The following ECSIT variants were observed in gnomAD, a reference collection of about 807,000 sequenced individuals.
ECSIT encodes the protein evolutionarily conserved signaling intermediate in Toll pathway, mitochondrial.
A neutral mutation model predicts 36.8 loss-of-function variants in ECSIT; 29 were observed. The observed-to-expected ratio is 0.79, with a 90% CI of 0.59 to 1.08. The LOEUF (loss-of-function observed/expected upper bound fraction) is 1.08, where lower values mean the gene tolerates loss of function less well. Ranked by LOEUF, ECSIT falls within the 50% of genes least tolerant of loss-of-function variation. ECSIT has a pLI of 0.00. For missense variants in ECSIT, 542 were observed against 581.0 expected (o/e 0.93, Z 0.69); for synonymous variants, 231 against 234.8 (o/e 0.98, Z 0.15).
intron 7 of ECSIT, 75 bp from the exon 8 acceptor site, chr19:11,506,503 AG>A (rs1397509074): frequency 3.2e-6 from 3 of 951,654 alleles, no homozygotes; most frequent in Non-Finnish European, 4.4e-6. Flanking sequence ...CACCTTTTTG[AG>A]GTATTTTACA....
chr19:11,509,429 C>T (rs1258971521), intron 4 of ECSIT, among the ~76,000 whole-genome samples: 1 of 150,882 alleles, frequency 6.6e-6, no homozygotes, highest in Non-Finnish European at 1.5e-5. Flanking sequence ...AAACAGTGGA[C>T]AGCTATTAGA....
chr19:11,513,757 T>A (rs779231719), intron 3 of ECSIT, 47 bp downstream of exon 3: 2 of 1,607,820 alleles, frequency 1.2e-6, no homozygotes, highest in East Asian at 2.2e-5. Flanking sequence ...TGCTGCCAGC[T>A]ATCAGTGTAG....
chr19:11,526,787 CG>C (rs1179847687), intron 1 of ECSIT, among the ~76,000 whole-genome samples: 1 of 148,706 alleles, frequency 6.7e-6, no homozygotes, highest in Non-Finnish European at 1.5e-5. Flanking sequence ...TGGCGCATCT[CG>C]GCTCACTGCA....
Position 11,513,215 on chromosome 19 carries a change from G to A in ECSIT, c.579C>T (p.Pro193=). The change falls in exon 4 of 8, where the codon CCC becomes CCT. Residue 193 remains proline, a synonymous_variant. Coordinates refer to ENST00000270517, the MANE Select transcript of ECSIT (RefSeq NM_016581.5). The stretch of plus-strand genomic sequence containing the variant: ...GCTTCAGGCGCACCAACTTGAGCAT[G>A]GGGTAGCTTTTGCGTCCAAAGATCT... ...LIQIFGRKSY[P]MLKLVRLKLW... The A allele has an allele frequency of 1.2e-6, 2 of 1,614,152 alleles. No individual in the cohort carries two copies. Among genetic ancestry groups the A allele is most frequent in the Non-Finnish European group, 1.7e-6 (2 of 1,180,036 alleles).
At chr19:11,523,704 G>A (rs1324558276) in intron 1 of ECSIT, 9 of 702,908 alleles carry the variant, frequency 1.3e-5, no homozygotes, top group Middle Eastern at 4.1e-4. Context: ...AATGGGTAGC[G>A]CTCTGTAAAA....
intron 6 of ECSIT, 35 bp downstream of exon 6, chr19:11,507,667 C>G (rs763752425): frequency 6.2e-7 from 1 of 1,613,970 alleles, no homozygotes; most frequent in Admixed American, 1.7e-5. Context: ...AGCCCACTCC[C>G]CAGCCCCAAC....
chr19:11,523,864 A>C (rs1972157955), intron 1 of ECSIT: 1 of 517,028 alleles, frequency 1.9e-6, no homozygotes, highest in East Asian at 4.4e-5. Context: ...TAAAAAAATA[A>C]GTTAATTGAC....
chr19:11,523,572 A>G, intron 1 of ECSIT: 2 of 1,041,324 alleles, frequency 1.9e-6, no homozygotes, highest in South Asian at 2.6e-5. Flanking sequence ...GACAAGCGCC[A>G]AGCCCATCTT....
At chr19:11,515,248 C>T (rs548020364) in intron 2 of ECSIT, among the ~76,000 whole-genome samples, 4 of 151,940 alleles carry the variant, frequency 2.6e-5, no homozygotes, top group African/African-American at 4.8e-5. Flanking sequence ...GGACTACAGG[C>T]GCCTGCCACC....
chr19:11,522,238 C>CA, intron 1 of ECSIT: 1 of 610,182 alleles, frequency 1.6e-6, no homozygotes, highest in Admixed American at 2.4e-5. Flanking sequence ...GAGCAGCACC[C>CA]ACAACATGTA....
chr19:11,522,971 T>C (rs1457776226), intron 1 of ECSIT, among the ~76,000 whole-genome samples: 4 of 151,596 alleles, frequency 2.6e-5, no homozygotes, highest in Non-Finnish European at 5.9e-5. Flanking sequence ...CTCAGGAGGC[T>C]GAGGCAGGAG....
intron 1 of ECSIT, among the ~76,000 whole-genome samples, chr19:11,526,192 T>C (rs557249245): frequency 6.6e-6 from 1 of 152,260 alleles, no homozygotes; most frequent in African/African-American, 2.4e-5. Flanking sequence ...CTTGAACTCC[T>C]GACCTTGTGA....
At position 11,520,305 on chromosome 19, in the gene ECSIT, G is replaced by A. The variant is rs550407875; in HGVS notation, c.-23-1112C>T. Among the ~76,000 whole-genome samples the A allele has an allele frequency of 2.6e-5, 4 of 152,160 alleles. No individual in the cohort carries two copies. The East Asian group carries it at 5.8e-4, about 22-fold the overall frequency. On this transcript the variant is annotated intron_variant, in intron 1 of 7. Coordinates refer to ENST00000270517, the MANE Select transcript of ECSIT (RefSeq NM_016581.5). ...CCATGCCTCAGCATCCCGAGTAGCT[G>A]GGATTACAGGTACATGCCACCACGC...
intron 4 of ECSIT, 147 bp downstream of exon 4, chr19:11,512,909 C>G (rs1971900510): frequency 2.4e-6 from 2 of 818,406 alleles, no homozygotes. Context: ...TGCCACCACA[C>G]TCCAGCCTGG....
chr19:11,515,512 A>T (rs1420519100), intron 2 of ECSIT, among the ~76,000 whole-genome samples: 1 of 151,612 alleles, frequency 6.6e-6, no homozygotes, highest in Non-Finnish European at 1.5e-5. Flanking sequence ...GCTGGAATGC[A>T]ATGGTGTCAT....
chr19:11,510,110 T>C (rs187981354), intron 4 of ECSIT, among the ~76,000 whole-genome samples: 2 of 151,894 alleles, frequency 1.3e-5, no homozygotes, highest in Non-Finnish European at 2.9e-5. Flanking sequence ...CAACCTCTGG[T>C]GATCTGCCTG....
At chr19:11,511,088 C>T (rs1041507222) in intron 4 of ECSIT, among the ~76,000 whole-genome samples, 2 of 152,118 alleles carry the variant, frequency 1.3e-5, no homozygotes, top group African/African-American at 4.8e-5. Flanking sequence ...CCCCAGGAAG[C>T]CCCACCTGCC....
chr19:11,506,354 C>G lies in ECSIT; in HGVS notation c.1126G>C (p.Gly376Arg), dbSNP rs767782643. The change falls in exon 8 of 8, where the codon GGC becomes CGC. Residue 376 changes from glycine to arginine, a missense_variant. Coordinates refer to ENST00000270517, the MANE Select transcript of ECSIT (RefSeq NM_016581.5). ...DQATMAKWIQGLQETNPTLAQ... is the reference protein window; with the variant it reads ...DQATMAKWIQRLQETNPTLAQ... ...AGGGTTGGGTTGGTCTCCTGCAGGC[C>G]CTGGATCCACTTAGCCATCGTCGCC... 7 of 1,613,638 alleles carry G rather than the reference C, an allele frequency of 4.3e-6. No individual in the cohort carries two copies. The highest frequency in any genetic ancestry group is 5.9e-6 in the Non-Finnish European group (7 of 1,179,894).
intron 6 of ECSIT, 31 bp from the exon 7 acceptor site, chr19:11,507,593 C>T (rs1430331410): frequency 1.2e-6 from 2 of 1,613,154 alleles, no homozygotes; most frequent in East Asian, 2.2e-5. Context: ...CAGGCGGGGT[C>T]AGAGGCCAGG....
Sources: gnomAD v4.1 joint callset for allele counts (sites outside exome capture counted in the v4.1 genomes callset) on GRCh38, gnomAD v4.1.1 for gene constraint, MANE v1.5 for transcripts, NCBI Gene and HGNC (gene_info 2026-07-23, HGNC 2026-07-21) for gene names.